The following ZBTB20 variants were observed in gnomAD, a reference collection of about 807,000 sequenced individuals.
ZBTB20 encodes the protein zinc finger and BTB domain-containing protein 20.
ZBTB20 carries 9 observed loss-of-function variants against 56.9 expected under a neutral mutation model. That is an observed-to-expected ratio of 0.16 (90% CI 0.10 to 0.28). The LOEUF is 0.28. ZBTB20 is among the 10% of genes least tolerant of loss of function. The pLI is 1.00. For missense variants in ZBTB20, 655 were observed against 1,003.0 expected (o/e 0.65, Z 4.69); for synonymous variants, 417 against 420.7 (o/e 0.99, Z 0.11).
intron 10 of ZBTB20, among the ~76,000 whole-genome samples, chr3:114,377,717 G>C (rs985181175): frequency 3.3e-5 from 5 of 152,128 alleles, no homozygotes; most frequent in African/African-American, 9.7e-5. Flanking sequence ...CTCACAATGA[G>C]AGCAAATCCA....
rs776151634 is a variant in ZBTB20 at position 114,339,016 on chromosome 3, A to C, written c.2215T>G (p.Ser739Ala). 1 of 1,508,594 alleles carries C rather than the reference A, an allele frequency of 6.6e-7. No homozygotes were observed. Among genetic ancestry groups the C allele is most frequent in the Admixed American group, 2.3e-5 (1 of 44,284 alleles). 93.5% of individuals were successfully genotyped at this position (1,508,594 alleles called of 1,614,324 possible). ...QFNDHMRMHV[S>A]DG The stretch of plus-strand genomic sequence containing the variant: ...GAGAAAGATACTACTTATCCGTCAG[A>C]CACATGCATCCTCATGTGGTCGTTG... The change falls in exon 12 of 12, where the codon TCT (serine) becomes GCT (alanine). Residue 739 changes from serine to alanine, a missense_variant. Transcript: ENST00000675478. This position sits in a 1 kb window ranked among gnomAD's most constrained non-coding sequence, Gnocchi z 4.2.
At chr3:115,105,337 G>T (rs1345782528) in intron 1 of ZBTB20, among the ~76,000 whole-genome samples, 1 of 152,166 alleles carries the variant, frequency 6.6e-6, no homozygotes, top group Non-Finnish European at 1.5e-5. Flanking sequence ...GAAGAAAAAA[G>T]AGAGATTAAG....
chr3:115,032,287 T>G (rs1185858479), intron 2 of ZBTB20, among the ~76,000 whole-genome samples: 1 of 151,512 alleles, frequency 6.6e-6, no homozygotes, highest in Non-Finnish European at 1.5e-5. Context: ...TTATATATAA[T>G]GAAGTAACCA....
chr3:114,825,707 A>G (rs1056717482), intron 4 of ZBTB20, among the ~76,000 whole-genome samples: 2 of 151,926 alleles, frequency 1.3e-5, no homozygotes, highest in African/African-American at 4.8e-5. Context: ...CTATTCACAG[A>G]TAACATTGAT....
At chr3:114,877,728 AG>A (rs1281982389) in intron 4 of ZBTB20, among the ~76,000 whole-genome samples, 4 of 152,188 alleles carry the variant, frequency 2.6e-5, no homozygotes, top group African/African-American at 9.6e-5. Flanking sequence ...TGTCCACAAA[AG>A]TTTGGGCTTT....
chr3:114,785,074 A>G (rs1293226500), intron 5 of ZBTB20, among the ~76,000 whole-genome samples: 3 of 152,212 alleles, frequency 2.0e-5, no homozygotes, highest in Admixed American at 6.5e-5. Context: ...AATCCATACA[A>G]TATCAGAATA....
intron 5 of ZBTB20, among the ~76,000 whole-genome samples, chr3:114,736,682 A>G (rs1380807807): frequency 1.3e-5 from 2 of 152,192 alleles, no homozygotes; most frequent in African/African-American, 2.4e-5. Context: ...TTAAAAATAA[A>G]TCACACAGAG....
chr3:114,925,815 T>TG (rs1269685842), intron 3 of ZBTB20, among the ~76,000 whole-genome samples: 4 of 152,182 alleles, frequency 2.6e-5, no homozygotes, highest in Non-Finnish European at 5.9e-5. Context: ...TGTGAGCCAC[T>TG]GTGCCTGGCC....
At chr3:114,637,279 A>T (rs2059330615) in intron 6 of ZBTB20, among the ~76,000 whole-genome samples, 1 of 152,082 alleles carries the variant, frequency 6.6e-6, no homozygotes, top group South Asian at 2.1e-4. Context: ...TTTCCTGGAG[A>T]TCACAGAGAA....
At chr3:115,002,871 G>T (rs1372932057) in intron 2 of ZBTB20, among the ~76,000 whole-genome samples, 3 of 151,570 alleles carry the variant, frequency 2.0e-5, no homozygotes, top group African/African-American at 7.3e-5. Flanking sequence ...GTTTATAGCA[G>T]CCCAATTTAT....
At chr3:114,852,179 A>G (rs1474905131) in intron 4 of ZBTB20, among the ~76,000 whole-genome samples, 2 of 144,760 alleles carry the variant, frequency 1.4e-5, no homozygotes, top group African/African-American at 5.1e-5. Context: ...TCTCTCACAG[A>G]CAATTTTATT....
chr3:115,105,785 G>C (rs138450897), intron 1 of ZBTB20, among the ~76,000 whole-genome samples: 1 of 152,036 alleles, frequency 6.6e-6, no homozygotes, highest in Non-Finnish European at 1.5e-5. Context: ...AAAAAAGCAA[G>C]AATTCAATTG....
intron 7 of ZBTB20, among the ~76,000 whole-genome samples, chr3:114,431,703 A>T (rs2090136645): frequency 6.6e-6 from 1 of 152,154 alleles, no homozygotes; most frequent in Non-Finnish European, 1.5e-5. Context: ...AATATTAATG[A>T]CAAAAATATC....
chr3:114,523,005 G>T (rs1330338100), intron 6 of ZBTB20, among the ~76,000 whole-genome samples: 1 of 152,030 alleles, frequency 6.6e-6, no homozygotes, highest in Non-Finnish European at 1.5e-5. Context: ...AGAGTGAATG[G>T]AGCTGAAGAG....
chr3:114,771,417 TA>T (rs1037226484), intron 5 of ZBTB20, among the ~76,000 whole-genome samples: 41 of 152,008 alleles, frequency 2.7e-4, no homozygotes, highest in African/African-American at 6.0e-4. Flanking sequence ...GTAATTAAAG[TA>T]AAAAAAATAG....
chr3:115,125,025 G>GT (rs200817232), intron 1 of ZBTB20, among the ~76,000 whole-genome samples: 13 of 150,988 alleles, frequency 8.6e-5, no homozygotes, highest in African/African-American at 2.7e-4. Context: ...TGAACTTAAA[G>GT]TTTTTTTTAA....
intron 6 of ZBTB20, among the ~76,000 whole-genome samples, chr3:114,549,268 T>C (rs537112056): frequency 6.6e-6 from 1 of 152,324 alleles, no homozygotes; most frequent in Admixed American, 6.5e-5. Context: ...TGTATATTAT[T>C]TATGATAAAA....
At chr3:114,357,440 C>G (rs1204622565) in intron 10 of ZBTB20, among the ~76,000 whole-genome samples, 1 of 152,090 alleles carries the variant, frequency 6.6e-6, no homozygotes, top group African/African-American at 2.4e-5. Context: ...ATTTACAACA[C>G]CATTCTATTT....
chr3:115,049,944 T>TA (rs1020180975), intron 2 of ZBTB20, among the ~76,000 whole-genome samples: 1 of 152,158 alleles, frequency 6.6e-6, no homozygotes, highest in Admixed American at 6.5e-5. Context: ...TTGCAAATGT[T>TA]AGCTGCTGAT....
Sources: allele counts gnomAD v4.1 joint callset (sites outside exome capture counted in the v4.1 genomes callset), GRCh38; gene constraint gnomAD v4.1.1; non-coding constraint Gnocchi (gnomAD v3.1); transcripts MANE v1.5; gene names NCBI Gene and HGNC (gene_info 2026-07-23, HGNC 2026-07-21).